The following PIEZO2 variants were observed in gnomAD, a reference collection of about 807,000 sequenced individuals.
PIEZO2 encodes the protein piezo-type mechanosensitive ion channel component 2.
A neutral mutation model predicts 337.3 loss-of-function variants in PIEZO2; 172 were observed. The ratio of observed to expected loss-of-function variants is 0.51; its 90% CI spans 0.45 to 0.58. PIEZO2 has a LOEUF of 0.58. Among genes scored for constraint, PIEZO2 ranks in the 20% least tolerant of loss-of-function variants. The probability of loss-of-function intolerance (pLI) is 0.00; values close to 1 mark genes in which losing one functional copy is unlikely to be tolerated. For missense variants in PIEZO2, 3,028 were observed against 3,391.3 expected (o/e 0.89, Z 2.66); for synonymous variants, 1,251 against 1,228.5 (o/e 1.02, Z -0.38).
intron 3 of PIEZO2, among the ~76,000 whole-genome samples, chr18:10,921,805 C>CG (rs1568201595): frequency 6.6e-6 from 1 of 152,136 alleles, no homozygotes; most frequent in Admixed American, 6.5e-5. Flanking sequence ...AAAGAGAATA[C>CG]TCGCCTGAGG....
At chr18:10,765,092 G>A (rs544638978) in intron 21 of PIEZO2, among the ~76,000 whole-genome samples, 1 of 152,328 alleles carries the variant, frequency 6.6e-6, no homozygotes, top group South Asian at 2.1e-4. Flanking sequence ...TCTTAACTAG[G>A]TTCAAGGTGA....
rs2144830542 is a variant in PIEZO2 at position 10,878,354 on chromosome 18, C to T, written c.330-6939G>A. On this transcript the variant is annotated intron_variant, in intron 4 of 55. Coordinates refer to ENST00000674853, the MANE Select transcript of PIEZO2 (RefSeq NM_001378183.1). This position sits in a 1 kb window ranked among gnomAD's most constrained non-coding sequence, Gnocchi z 4.3. ...GTTGAAGAATTAGATGAGACACCTA[C>T]CATAAAGAGCTCTGTAATTCAGCTC... Among the ~76,000 whole-genome samples the T allele has an allele frequency of 6.6e-6, 1 of 152,292 alleles. No homozygotes were observed. Among genetic ancestry groups the T allele is most frequent in the East Asian group, 1.9e-4 (1 of 5,184 alleles).
At chr18:10,685,882 C>A (rs533824525) in intron 49 of PIEZO2, among the ~76,000 whole-genome samples, 2 of 152,324 alleles carry the variant, frequency 1.3e-5, no homozygotes, top group Admixed American at 6.5e-5. Context: ...CACGAGATTG[C>A]GCCTTACTGG....
rs1334290618 is a variant in PIEZO2 at position 10,877,974 on chromosome 18, A to G, written c.330-6559T>C. Among the ~76,000 whole-genome samples the G allele has an allele frequency of 6.6e-6, 1 of 152,010 alleles. No individual in the cohort carries two copies. The highest frequency in any genetic ancestry group is 2.4e-5 in the African/African-American group (1 of 41,364). On this transcript the variant is annotated intron_variant, in intron 4 of 55. Coordinates refer to ENST00000674853, the MANE Select transcript of PIEZO2 (RefSeq NM_001378183.1). The surrounding 1 kb of genome is among the most constrained non-coding windows in gnomAD (Gnocchi z 5.3). ...AGTGTGCAGTCTTCTCCCTTGGCCA[A>G]CTTCTCCCAGTATGCTTCAGGTTCT...
chr18:10,894,860 C>T lies in PIEZO2; in HGVS notation c.329+16326G>A, dbSNP rs2144959471. On this transcript the variant is annotated intron_variant, in intron 4 of 55. Transcript: ENST00000674853. The surrounding 1 kb of genome is among the most constrained non-coding windows in gnomAD (Gnocchi z 4.1). Reference sequence around the variant, plus strand: ...CTTGTGCCCCTCAGTCAGATTCTTTCATCTGAGGAGGGAAGAATTGAAGTT... The same window carrying T: ...CTTGTGCCCCTCAGTCAGATTCTTTTATCTGAGGAGGGAAGAATTGAAGTT... 1 of 152,362 alleles carries T rather than the reference C, an allele frequency of 6.6e-6. No individual in the cohort carries two copies. Among genetic ancestry groups the T allele is most frequent in the South Asian group, 2.1e-4 (1 of 4,832 alleles). 9.4% of individuals were successfully genotyped at this position (152,362 alleles called of 1,614,324 possible). A position where few individuals can be genotyped will look rare whatever the true frequency, so the allele number is the denominator to read the frequency against.
Position 11,083,269 on chromosome 18 carries a change from T to C in PIEZO2, c.65-17047A>G, listed in dbSNP as rs1036477345. Among the ~76,000 whole-genome samples, 1 of 152,262 alleles carries C rather than the reference T, an allele frequency of 6.6e-6. No homozygotes were observed. Among genetic ancestry groups the C allele is most frequent in the African/African-American group, 2.4e-5 (1 of 41,474 alleles). On this transcript the variant is annotated intron_variant, in intron 1 of 55. Coordinates refer to ENST00000674853, the MANE Select transcript of PIEZO2 (RefSeq NM_001378183.1). This position sits in a 1 kb window ranked among gnomAD's most constrained non-coding sequence, Gnocchi z 4.4. ...GTTTTAACTTCATTTTATGTCCAGC[T>C]ACTCTAAAAAGCTACTTTGTGGTTC...
chr18:10,805,955 C>T (rs1313461690), intron 8 of PIEZO2, among the ~76,000 whole-genome samples: 1 of 152,240 alleles, frequency 6.6e-6, no homozygotes, highest in Non-Finnish European at 1.5e-5. Flanking sequence ...AACCTGTTTG[C>T]TTCTCTTGGA....
intron 2 of PIEZO2, among the ~76,000 whole-genome samples, chr18:10,981,343 A>C (rs2034659676): frequency 2.6e-5 from 4 of 152,208 alleles, no homozygotes; most frequent in Admixed American, 2.0e-4. Flanking sequence ...TTAGCAAAAT[A>C]GATCCATTAA....
chr18:10,887,138 C>T (rs544366675), intron 4 of PIEZO2, among the ~76,000 whole-genome samples: 8 of 142,906 alleles, frequency 5.6e-5, no homozygotes, highest in South Asian at 4.5e-4. Flanking sequence ...GGTGGAATCT[C>T]GGCTCACTGC....
intron 2 of PIEZO2, among the ~76,000 whole-genome samples, chr18:11,044,896 C>T (rs2037246905): frequency 6.6e-6 from 1 of 152,108 alleles, no homozygotes; most frequent in Non-Finnish European, 1.5e-5. Flanking sequence ...TGCTTGTAAT[C>T]CCAGCACTTT....
chr18:11,093,721 G>A (rs1328369870), intron 1 of PIEZO2, among the ~76,000 whole-genome samples: 6 of 151,330 alleles, frequency 4.0e-5, no homozygotes, highest in Admixed American at 4.0e-4. Context: ...CGAGTAGCTC[G>A]GACTACAGGC....
chr18:10,902,503 T>C (rs1189259236), intron 4 of PIEZO2, among the ~76,000 whole-genome samples: 2 of 152,194 alleles, frequency 1.3e-5, no homozygotes, highest in African/African-American at 4.8e-5. Context: ...TGTAAAACTT[T>C]CTGTTTATAT....
intron 2 of PIEZO2, among the ~76,000 whole-genome samples, chr18:11,039,297 T>C (rs550138259): frequency 1.3e-5 from 2 of 152,156 alleles, no homozygotes; most frequent in African/African-American, 4.8e-5. Context: ...AAATGGAACA[T>C]TCTGTAGGCA....
chr18:10,934,629 G>A (rs1231235780), intron 3 of PIEZO2, among the ~76,000 whole-genome samples: 1 of 140,398 alleles, frequency 7.1e-6, no homozygotes, highest in Non-Finnish European at 1.5e-5. Context: ...TGTCAGTATT[G>A]TGTGTACGTG....
In PIEZO2 at chr18:10,724,899, T is replaced by G. The variant is rs1175177343; in HGVS notation, c.5029+6508A>C. ...TAAATAGTACTGGCCGGCGGGGGCG[T>G]GGCACCCTGGGACAGCCTCCACCTG... On this transcript the variant is annotated intron_variant, in intron 36 of 55. Transcript: ENST00000674853. This position sits in a 1 kb window ranked among gnomAD's most constrained non-coding sequence, Gnocchi z 5.8. 3 of 1,609,436 alleles carry G rather than the reference T, an allele frequency of 1.9e-6. No homozygotes were observed. The highest frequency in any genetic ancestry group is 2.5e-6 in the Non-Finnish European group (3 of 1,178,288).
rs763632629 is a variant in PIEZO2, at chr18:10,828,422, G to A, written c.918-21148C>T. Reference sequence around the variant, plus strand: ...AAGAAATTCCTATTTTAACAAAAAGGTTGGGGATTTTGGTGCATTTTAACA... The same window carrying A: ...AAGAAATTCCTATTTTAACAAAAAGATTGGGGATTTTGGTGCATTTTAACA... On this transcript the variant is annotated intron_variant, in intron 7 of 55. Transcript: ENST00000674853. This position sits in a 1 kb window ranked among gnomAD's most constrained non-coding sequence, Gnocchi z 4.1. Among the ~76,000 whole-genome samples, 2 of 152,114 alleles carry A rather than the reference G, an allele frequency of 1.3e-5. No homozygotes were observed. The highest frequency in any genetic ancestry group is 2.4e-5 in the African/African-American group (1 of 41,422).
chr18:11,034,756 A>T (rs1291388489), intron 2 of PIEZO2, among the ~76,000 whole-genome samples: 1 of 152,010 alleles, frequency 6.6e-6, no homozygotes. Flanking sequence ...GAGGCAGGAG[A>T]ATCGCTTCAA....
Position 11,149,406 on chromosome 18 carries a change from G to GGT in PIEZO2, c.-820_-819dup, listed in dbSNP as rs1423305241. ...GAAATGGAGACCAGAGCGCATATCG[G>GGT]GTGAGTGGGTCTCCCACTCCCTCCT... On this transcript the variant is annotated 5_prime_UTR_variant, in exon 1 of 56. Transcript: ENST00000674853. The surrounding 1 kb of genome is among the most constrained non-coding windows in gnomAD (Gnocchi z 8.7). 1.3e-5 allele frequency among the ~76,000 whole-genome samples: 2 copies of GGT among 152,178 alleles called. No homozygotes were observed. The highest frequency in any genetic ancestry group is 1.5e-5 in the Non-Finnish European group (1 of 67,968).
chr18:10,720,074 G>C (rs1158646657), intron 36 of PIEZO2, among the ~76,000 whole-genome samples: 1 of 149,600 alleles, frequency 6.7e-6, no homozygotes, highest in Non-Finnish European at 1.5e-5. Context: ...TTTGAGGTAG[G>C]TATCTTAAAT....
Sources: allele counts gnomAD v4.1 joint callset (sites outside exome capture counted in the v4.1 genomes callset), GRCh38; gene constraint gnomAD v4.1.1; non-coding constraint Gnocchi (gnomAD v3.1); transcripts MANE v1.5; gene names NCBI Gene and HGNC (gene_info 2026-07-23, HGNC 2026-07-21).